Variants in NCOR2 observed in about 807,000 individuals in gnomAD.
NCOR2 encodes nuclear receptor corepressor 2.
A neutral mutation model predicts 262.9 loss-of-function variants in NCOR2; 81 were observed. That is an observed-to-expected ratio of 0.31 (90% confidence interval 0.26 to 0.37). NCOR2 has a LOEUF of 0.37. NCOR2 is among the 10% of genes least tolerant of loss of function. The pLI is 1.00. For missense variants in NCOR2, 3,385 were observed against 3,621.4 expected (o/e 0.93, Z 1.68); for synonymous variants, 1,659 against 1,559.3 (o/e 1.06, Z -1.51).
chr12:124,458,403 G>A (rs942227561), intron 5 of NCOR2, among the ~76,000 whole-genome samples: 3 of 152,174 alleles, frequency 2.0e-5, no homozygotes, highest in African/African-American at 7.2e-5. Flanking sequence ...GCTCAAGCTG[G>A]AACCTAGAGC....
chr12:124,524,205 GGCCATTCCTTATAAAATCCAGATTTCCA>G (rs1170483168), intron 1 of NCOR2, among the ~76,000 whole-genome samples: 1 of 152,142 alleles, frequency 6.6e-6, no homozygotes, highest in African/African-American at 2.4e-5. Context: ...TTAAAAACTA[GGCCATTCCTTATAAAATCCAGATTTCCA>G]GCTTCTCTTG....
At chr12:124,516,511 A>C (rs2049797429) in intron 1 of NCOR2, among the ~76,000 whole-genome samples, 1 of 152,216 alleles carries the variant, frequency 6.6e-6, no homozygotes. Context: ...AGAAAAATGG[A>C]CGGAACTCGA....
chr12:124,335,860 C>T (rs1435944495), intron 38 of NCOR2: 7 of 549,858 alleles, frequency 1.3e-5, no homozygotes, highest in Admixed American at 3.1e-5. Flanking sequence ...CAGAGACAGA[C>T]AGAGAGGGAG....
chr12:124,364,912 G>A (rs554989443), intron 20 of NCOR2, among the ~76,000 whole-genome samples: 3 of 152,002 alleles, frequency 2.0e-5, no homozygotes, highest in South Asian at 2.1e-4. Flanking sequence ...GAGGCAGCCC[G>A]GCCTGAGTTT....
chr12:124,375,273 G>T (rs1251758303), intron 18 of NCOR2, among the ~76,000 whole-genome samples: 1 of 152,104 alleles, frequency 6.6e-6, no homozygotes, highest in Non-Finnish European at 1.5e-5. Flanking sequence ...AACGCTGAGG[G>T]CCCCAGGACC....
chr12:124,371,771 C>T (rs1416357855), intron 20 of NCOR2, among the ~76,000 whole-genome samples: 1 of 152,166 alleles, frequency 6.6e-6, no homozygotes, highest in Admixed American at 6.5e-5. Flanking sequence ...TAGCGCTGCC[C>T]AGGGCTGCCT....
At chr12:124,326,548 C>T (rs180692481) in intron 45 of NCOR2, among the ~76,000 whole-genome samples, 178 bp from the exon 48 acceptor site, 29 of 152,298 alleles carry the variant, frequency 1.9e-4, no homozygotes, top group Non-Finnish European at 3.5e-4. Context: ...CAGGGTTGAC[C>T]AGATGGCCAG....
intron 9 of NCOR2, among the ~76,000 whole-genome samples, chr12:124,430,286 C>A (rs1432232890): frequency 6.6e-6 from 1 of 152,214 alleles, no homozygotes; most frequent in East Asian, 1.9e-4. Flanking sequence ...GGTCTCTTAG[C>A]CACGTCTCTC....
At chr12:124,498,602 G>C (rs1325115568), upstream of NCOR2, among the ~76,000 whole-genome samples, 1 of 152,148 alleles carries the variant, frequency 6.6e-6, no homozygotes, top group African/African-American at 2.4e-5. Flanking sequence ...TTAGGGAAAC[G>C]GTTTGGCGGT....
At chr12:124,333,393 T>A (rs986507456) in intron 41 of NCOR2, 114 bp from the exon 44 acceptor site, 2 of 1,017,716 alleles carry the variant, frequency 2.0e-6, no homozygotes, top group Non-Finnish European at 2.6e-6. Context: ...GGCCAAATCA[T>A]AAACGTTTTA....
rs2136797151 is a variant in NCOR2, at chr12:124,483,300, C to T, written c.411+296G>A. ...GGCCCTCCCATCCCAGCTCTCCCCTCCCTCACGCCAGCTACCCCGTGACCA... is the reference window on the plus strand; with the variant it reads ...GGCCCTCCCATCCCAGCTCTCCCCTTCCTCACGCCAGCTACCCCGTGACCA... On this transcript the variant is annotated intron_variant, in intron 3 of 46. Coordinates refer to ENST00000405201, the Ensembl canonical transcript of NCOR2. This position sits in a 1 kb window ranked among gnomAD's most constrained non-coding sequence, Gnocchi z 6.3. Among the ~76,000 whole-genome samples the T allele has an allele frequency of 6.6e-6, 1 of 152,334 alleles. No individual in the cohort carries two copies. Among genetic ancestry groups the T allele is most frequent in the South Asian group, 2.1e-4 (1 of 4,826 alleles).
rs748916688 is a variant in NCOR2 at position 124,333,328 on chromosome 12, G to T, written c.6606-49C>A. 1.7e-4 allele frequency: 250 copies of T among 1,459,598 alleles called. 6 individuals are homozygous for T. The South Asian group carries it at 3.6e-3, about 21-fold the overall frequency. The allele number at this position is 1,459,598 out of a possible 1,614,324, so 90.4% of individuals were successfully genotyped here. A position where few individuals can be genotyped will look rare whatever the true frequency, so the allele number is the denominator to read the frequency against. On this transcript the variant is annotated intron_variant, in intron 41 of 46. Coordinates refer to ENST00000405201, the Ensembl canonical transcript of NCOR2. ...TGTGGTCAGAGGTCTCCCTACTGAGGGGGCGCACCCTCCCTCCACTCTAAA... is the reference window on the plus strand; with the variant it reads ...TGTGGTCAGAGGTCTCCCTACTGAGTGGGCGCACCCTCCCTCCACTCTAAA...
intron 7 of NCOR2, among the ~76,000 whole-genome samples, chr12:124,448,765 T>C (rs1460586934): frequency 6.6e-6 from 1 of 152,068 alleles, no homozygotes; most frequent in Non-Finnish European, 1.5e-5. Flanking sequence ...CACTGGAAGG[T>C]TTGCACGCTT....
chr12:124,399,700 G>A (rs996512148), intron 15 of NCOR2, among the ~76,000 whole-genome samples: 1 of 152,212 alleles, frequency 6.6e-6, no homozygotes, highest in African/African-American at 2.4e-5. Context: ...TCTCCACCCT[G>A]AGAATGAGCC....
At chr12:124,497,369 G>A (rs1290378746), upstream of NCOR2, among the ~76,000 whole-genome samples, 1 of 152,206 alleles carries the variant, frequency 6.6e-6, no homozygotes, top group Non-Finnish European at 1.5e-5. The surrounding 1 kb of genome is among the most constrained non-coding windows in gnomAD (Gnocchi z 4.2). Context: ...TCGCTAAGCT[G>A]CGTGGCCTTG....
intron 1 of NCOR2, among the ~76,000 whole-genome samples, chr12:124,500,411 A>G (rs188501901): frequency 2.1e-3 from 322 of 152,310 alleles, no homozygotes; most frequent in African/African-American, 7.3e-3. Flanking sequence ...GCAGAAGCCA[A>G]GTGGGCCACA....
chr12:124,328,541 T>G (rs553158685), intron 44 of NCOR2: 10 of 151,642 alleles, frequency 6.6e-5, no homozygotes, highest in African/African-American at 2.4e-4. Flanking sequence ...CTTTTTTCTT[T>G]CTTGTGAACC....
At chr12:124,499,595 G>T (rs927598915), upstream of NCOR2, among the ~76,000 whole-genome samples, 84 of 152,330 alleles carry the variant, frequency 5.5e-4, no homozygotes, top group African/African-American at 2.0e-3. Flanking sequence ...GCTTGGGGGT[G>T]AGCCCCCGCC....
chr12:124,357,242 G>C (rs952868400), intron 22 of NCOR2, among the ~76,000 whole-genome samples: 30 of 152,306 alleles, frequency 2.0e-4, no homozygotes, highest in Admixed American at 1.5e-3. Flanking sequence ...TTCACCTCTG[G>C]GCTCAAGTGA....
Sources: allele counts gnomAD v4.1 joint callset (sites outside exome capture counted in the v4.1 genomes callset), GRCh38; gene constraint gnomAD v4.1.1; non-coding constraint Gnocchi (gnomAD v3.1); transcripts MANE v1.5; gene names NCBI Gene and HGNC (gene_info 2026-07-23, HGNC 2026-07-21).